Variants in ABL2 observed in about 807,000 individuals in gnomAD.
The protein encoded by ABL2 is ABL proto-oncogene 2, non-receptor tyrosine kinase, also known as tyrosine-protein kinase ABL2.
A neutral mutation model predicts 107.7 loss-of-function variants in ABL2; 49 were observed. The observed-to-expected ratio is 0.45, with a 90% CI of 0.36 to 0.58. The LOEUF is 0.58. ABL2 is among the 20% of genes least tolerant of loss of function. The probability of loss-of-function intolerance (pLI) is 0.00; values close to 1 mark genes in which losing one functional copy is unlikely to be tolerated. For synonymous variants in ABL2, 549 were observed against 548.6 expected (o/e 1.00, Z -0.01); for missense variants, 1,245 against 1,457.0 (o/e 0.85, Z 2.37).
intron 1 of ABL2, among the ~76,000 whole-genome samples, chr1:179,195,404 C>G (rs1661251980): frequency 6.6e-6 from 1 of 152,132 alleles, no homozygotes; most frequent in Non-Finnish European, 1.5e-5. Context: ...TATGGAGAAA[C>G]TAGAACCCTT....
chr1:179,221,985 G>A (rs1662892913), intron 1 of ABL2: 2 of 219,860 alleles, frequency 9.1e-6, no homozygotes, highest in Non-Finnish European at 2.1e-5. Context: ...TCATATTCCA[G>A]AAGACACGAA....
chr1:179,139,995 A>T (rs1203104946), intron 1 of ABL2, among the ~76,000 whole-genome samples: 5 of 152,142 alleles, frequency 3.3e-5, no homozygotes, highest in Admixed American at 3.3e-4. Flanking sequence ...AGACTATTTC[A>T]CTAGACTCCT....
chr1:179,126,775 A>T lies in ABL2; in HGVS notation c.392-103T>A, dbSNP rs574916815. Reference sequence around the variant, plus strand: ...TTAAACTCATTAAAAAAAAAAAAGAATCTAGAACTTTTATGCCAAATTTTT... The same window carrying T: ...TTAAACTCATTAAAAAAAAAAAAGATTCTAGAACTTTTATGCCAAATTTTT... On this transcript the variant is annotated intron_variant, in intron 3 of 11. Transcript: ENST00000502732. The surrounding 1 kb of genome is among the most constrained non-coding windows in gnomAD (Gnocchi z 4.4). 2.5e-6 allele frequency: 3 copies of T among 1,219,618 alleles called. No homozygotes were observed. In the African/African-American group the frequency reaches 4.6e-5, roughly 19 times the overall value. The allele number at this position is 1,219,618 out of a possible 1,614,324, so 75.5% of individuals were successfully genotyped here.
intron 1 of ABL2, chr1:179,143,171 C>A (rs1178796150): frequency 1.6e-6 from 2 of 1,261,454 alleles, no homozygotes. Context: ...CAGAGGGAAC[C>A]AATAAAATGG....
intron 1 of ABL2, among the ~76,000 whole-genome samples, chr1:179,158,125 CT>C (rs1332701492): frequency 6.6e-6 from 1 of 152,082 alleles, no homozygotes; most frequent in Admixed American, 6.5e-5. Context: ...AAATTTCTTC[CT>C]GAATGCTGAG....
chr1:179,166,408 A>G lies in ABL2; in HGVS notation c.158-33034T>C, dbSNP rs1261622404. On this transcript the variant is annotated intron_variant, in intron 1 of 11. Transcript: ENST00000502732. ...CAACTCAATACTAAAAAAAAAAAAA[A>G]AAAGAAAATCAAACTCATTTAACAA... 3.3e-5 allele frequency among the ~76,000 whole-genome samples: 5 copies of G among 152,082 alleles called. No homozygotes were observed. The East Asian group carries it at 9.7e-4, about 29-fold the overall frequency.
In ABL2 at chr1:179,102,300, C is replaced by T. The variant is rs141891067; in HGVS notation, c.*5418G>A. On this transcript the variant is annotated 3_prime_UTR_variant, in exon 12 of 12. Coordinates refer to ENST00000502732, the MANE Select transcript of ABL2 (RefSeq NM_007314.4). ...TGCTGGGATTACAGGCGTGAGCCACCGCACCCGGCCAGAATTTCTTTAAGT... is the reference window on the plus strand; with the variant it reads ...TGCTGGGATTACAGGCGTGAGCCACTGCACCCGGCCAGAATTTCTTTAAGT... The T allele has an allele frequency of 1.4e-3, 262 of 186,496 alleles. 2 individuals carry two copies. Among genetic ancestry groups the T allele is most frequent in the Admixed American group, 6.2e-3 (99 of 16,090 alleles). The allele number at this position is 186,496 out of a possible 1,614,324, so 11.6% of individuals were successfully genotyped here. A position where few individuals can be genotyped will look rare whatever the true frequency, so the allele number is the denominator to read the frequency against.
intron 1 of ABL2, among the ~76,000 whole-genome samples, chr1:179,214,907 C>T (rs1473199826): frequency 2.0e-5 from 3 of 152,134 alleles, no homozygotes; most frequent in Non-Finnish European, 4.4e-5. Flanking sequence ...TGCCTGTAAT[C>T]CCAGCACTTG....
intron 3 of ABL2, among the ~76,000 whole-genome samples, chr1:179,130,146 T>C (rs1354850058): frequency 6.6e-6 from 1 of 152,202 alleles, no homozygotes; most frequent in East Asian, 1.9e-4. Context: ...TTCACCGTGT[T>C]GCCCAGGCTG....
intron 9 of ABL2, among the ~76,000 whole-genome samples, chr1:179,113,659 T>C (rs1384808393): frequency 6.6e-6 from 1 of 152,112 alleles, no homozygotes; most frequent in Non-Finnish European, 1.5e-5. Context: ...CCGGGTGCTG[T>C]GGCTCAAGCC....
At chr1:179,133,460 T>C (rs1370472029) in intron 1 of ABL2, 86 bp from the exon 2 acceptor site, 1 of 1,607,410 alleles carries the variant, frequency 6.2e-7, no homozygotes, top group Non-Finnish European at 8.5e-7. Context: ...TTTCATGGCA[T>C]TCAAAGGCCT....
intron 1 of ABL2, among the ~76,000 whole-genome samples, chr1:179,203,864 C>G (rs1331809285): frequency 6.6e-6 from 1 of 152,154 alleles, no homozygotes; most frequent in Non-Finnish European, 1.5e-5. Flanking sequence ...TGACCCTTCT[C>G]TTTACTACTT....
chr1:179,133,517 C>A, intron 1 of ABL2, 143 bp from the exon 2 acceptor site: 1 of 1,305,840 alleles, frequency 7.7e-7, no homozygotes, highest in Non-Finnish European at 1.1e-6. Context: ...CCTCTCCCTA[C>A]TCCATACCTC....
intron 1 of ABL2, among the ~76,000 whole-genome samples, chr1:179,174,046 T>C (rs148755834): frequency 0.014 from 2,140 of 152,294 alleles, 50 homozygotes; most frequent in African/African-American, 0.049. Flanking sequence ...TCCCAGCATT[T>C]TGGGAGGCCG....
chr1:179,168,920 G>A (rs370907872), intron 1 of ABL2, among the ~76,000 whole-genome samples: 3 of 152,072 alleles, frequency 2.0e-5, no homozygotes, highest in Non-Finnish European at 2.9e-5. Context: ...AAAAATATCC[G>A]ATAAGCAACT....
intron 1 of ABL2, among the ~76,000 whole-genome samples, chr1:179,228,458 G>A (rs1045437883): frequency 7.9e-5 from 12 of 152,126 alleles, no homozygotes; most frequent in African/African-American, 2.7e-4. Flanking sequence ...TCAGACTACA[G>A]GGAGCATACA....
intron 2 of ABL2, 137 bp downstream of exon 2, chr1:179,133,173 AAT>A: frequency 7.1e-7 from 1 of 1,413,168 alleles, no homozygotes. Flanking sequence ...ACTTATTTTT[AAT>A]ATAAAAATAG....
chr1:179,217,716 T>C (rs559434789), intron 1 of ABL2, among the ~76,000 whole-genome samples: 5 of 152,196 alleles, frequency 3.3e-5, no homozygotes, highest in South Asian at 2.1e-4. Flanking sequence ...CCAAATGGTA[T>C]GGTGAGTTCC....
At chr1:179,181,499 G>A (rs1474425685) in intron 1 of ABL2, among the ~76,000 whole-genome samples, 1 of 152,056 alleles carries the variant, frequency 6.6e-6, no homozygotes, top group Non-Finnish European at 1.5e-5. Flanking sequence ...GCCCAACCTC[G>A]CTGAGCTTCA....
Sources: allele counts gnomAD v4.1 joint callset (sites outside exome capture counted in the v4.1 genomes callset), GRCh38; gene constraint gnomAD v4.1.1; non-coding constraint Gnocchi (gnomAD v3.1); transcripts MANE v1.5; gene names NCBI Gene and HGNC (gene_info 2026-07-23, HGNC 2026-07-21).